EPB41L1: variants seen among roughly 807,000 people sequenced by gnomAD.
The protein encoded by EPB41L1 is band 4.1-like protein 1.
EPB41L1 carries 29 observed loss-of-function variants against 97.8 expected under a neutral mutation model. That is an observed-to-expected ratio of 0.30 (90% CI 0.22 to 0.40). The LOEUF is 0.40. EPB41L1 is among the 10% of genes least tolerant of loss of function. The pLI is 1.00. For missense variants in EPB41L1, 812 were observed against 1,162.3 expected, an observed-to-expected ratio of 0.70 and a Z score of 4.38; for synonymous variants, 383 against 459.2, an observed-to-expected ratio of 0.83 and a Z score of 2.12.
chr20:36,129,313 T>C (rs184274051), intron 2 of EPB41L1, among the ~76,000 whole-genome samples: 121 of 152,234 alleles, frequency 7.9e-4, no homozygotes, highest in African/African-American at 2.9e-3. Context: ...TGGGCTGGAC[T>C]GCGGGGTGAA....
At chr20:36,154,653 C>T, upstream of EPB41L1, 1 of 968,296 alleles carries the variant, frequency 1.0e-6, no homozygotes, top group Non-Finnish European at 1.2e-6. The surrounding 1 kb of genome is among the most constrained non-coding windows in gnomAD (Gnocchi z 5.5). Flanking sequence ...GGGGGCTGGC[C>T]GCGCGTCGGG....
chr20:36,180,771 T>C lies in EPB41L1; in HGVS notation c.491-1501T>C, dbSNP rs2061440346. ...ACCCAGTATGATTAGCTATTATTTA[T>C]TTTTATTATTATTATTGATTATTAC... On this transcript the variant is annotated intron_variant, in intron 5 of 21. Transcript: ENST00000338074. Among the ~76,000 whole-genome samples the C allele has an allele frequency of 4.6e-5, 7 of 152,190 alleles. No individual in the cohort carries two copies. The South Asian group carries it at 1.5e-3, about 32-fold the overall frequency.
At chr20:36,133,196 G>C (rs568956065) in intron 2 of EPB41L1, among the ~76,000 whole-genome samples, 2 of 152,370 alleles carry the variant, frequency 1.3e-5, no homozygotes, top group East Asian at 3.9e-4. Context: ...TTTCTGGCCT[G>C]GGACTGCCAT....
At position 36,175,537 on chromosome 20, in the gene EPB41L1, G is replaced by T; in HGVS notation, c.178-14G>T. The T allele has an allele frequency of 6.2e-7, 1 of 1,614,190 alleles. No homozygotes were observed. The highest frequency in any genetic ancestry group is 1.3e-5 in the African/African-American group (1 of 75,050). The stretch of plus-strand genomic sequence containing the variant: ...AACTCACTGAGCAAACTATTCCCTT[G>T]CTTGGTCCTGCAGAGCCTAGACATG... On this transcript the variant is annotated splice_polypyrimidine_tract_variant and intron_variant, in intron 2 of 21. Transcript: ENST00000338074.
intron 1 of EPB41L1, among the ~76,000 whole-genome samples, chr20:36,101,441 G>T (rs1401934708): frequency 6.6e-6 from 1 of 152,062 alleles, no homozygotes; most frequent in Non-Finnish European, 1.5e-5. Flanking sequence ...CCATTATGTT[G>T]GTCAGCCTGG....
chr20:36,178,954 G>C (rs573886815), intron 5 of EPB41L1, among the ~76,000 whole-genome samples: 1 of 151,862 alleles, frequency 6.6e-6, no homozygotes, highest in African/African-American at 2.4e-5. Context: ...CCAGCTACTC[G>C]GGAGGCTGAG....
Position 36,195,315 on chromosome 20 carries a change from C to G in EPB41L1, c.1450-14C>G, listed in dbSNP as rs760205768. ...ACCCTGCTGCTTTCTTTCCCTCCTA[C>G]CACATCCCACTAGCCGGAGCAGGAA... On this transcript the variant is annotated splice_polypyrimidine_tract_variant and intron_variant, in intron 12 of 21. Coordinates refer to ENST00000338074, the MANE Select transcript of EPB41L1 (RefSeq NM_012156.2). This position sits in a 1 kb window ranked among gnomAD's most constrained non-coding sequence, Gnocchi z 4.6. 6.2e-7 allele frequency: 1 copy of G among 1,614,056 alleles called. No homozygotes were observed. Among genetic ancestry groups the G allele is most frequent in the Admixed American group, 1.7e-5 (1 of 60,014 alleles).
intron 1 of EPB41L1, among the ~76,000 whole-genome samples, chr20:36,095,287 T>C (rs894444397): frequency 6.6e-6 from 1 of 152,018 alleles, no homozygotes; most frequent in African/African-American, 2.4e-5. Context: ...TTTGTATTTT[T>C]AGTAGAGACA....
In EPB41L1 at chr20:36,207,144, C is replaced by T. The variant is rs368491849; in HGVS notation, c.1669-2344C>T. 1.1e-4 allele frequency: 142 copies of T among 1,289,538 alleles called. No individual in the cohort carries two copies. In the East Asian group the frequency reaches 7.1e-3, roughly 64 times the overall value. The allele number at this position is 1,289,538 out of a possible 1,614,324, so 79.9% of individuals were successfully genotyped here. A position where few individuals can be genotyped will look rare whatever the true frequency, so the allele number is the denominator to read the frequency against. On this transcript the variant is annotated intron_variant, in intron 14 of 21. Coordinates refer to ENST00000338074, the MANE Select transcript of EPB41L1 (RefSeq NM_012156.2). This position sits in a 1 kb window ranked among gnomAD's most constrained non-coding sequence, Gnocchi z 4.9. Reference sequence around the variant, plus strand: ...CAGCTCTGGAGGAAGCTTCTCCAAGCCCAACCTCCCATGGGTCAGGGGAGC... The same window carrying T: ...CAGCTCTGGAGGAAGCTTCTCCAAGTCCAACCTCCCATGGGTCAGGGGAGC...
chr20:36,118,481 A>G (rs2058655524), intron 2 of EPB41L1, among the ~76,000 whole-genome samples: 2 of 152,208 alleles, frequency 1.3e-5, no homozygotes, highest in South Asian at 4.1e-4. Flanking sequence ...GGGCCAAACC[A>G]GAACCAGAGA....
In EPB41L1 at chr20:36,209,739, G is replaced by A. The variant is rs749043906; in HGVS notation, c.1920G>A (p.Leu640=). 3.1e-6 allele frequency: 5 copies of A among 1,614,052 alleles called. No individual in the cohort carries two copies. In the African/African-American group the frequency reaches 6.7e-5, roughly 22 times the overall value. ...GSAFEDFSRS[L]PELDRDKSDS... is the part of the protein sequence containing the mutation. ...CCTTCGAAGACTTCTCCCGCAGCCT[G>A]CCTGAGCTCGACCGGGACAAAAGCG... The change falls in exon 15 of 22, where the codon CTG becomes CTA. Residue 640 remains leucine, a synonymous_variant. Transcript: ENST00000338074. This position sits in a 1 kb window ranked among gnomAD's most constrained non-coding sequence, Gnocchi z 4.2.
At chr20:36,159,504 T>A (rs950244209) in intron 1 of EPB41L1, among the ~76,000 whole-genome samples, 15 of 152,186 alleles carry the variant, frequency 9.9e-5, no homozygotes, top group Non-Finnish European at 2.1e-4. Flanking sequence ...CGGGGCTAGA[T>A]CCTTTCTGTG....
intron 14 of EPB41L1, chr20:36,200,780 T>C (rs1202300392): frequency 2.1e-5 from 9 of 424,240 alleles, no homozygotes; most frequent in Non-Finnish European, 4.2e-5. Context: ...TGTCTCTCTC[T>C]CCTACTTTTT....
chr20:36,188,207 G>T, intron 8 of EPB41L1, 140 bp from the exon 9 acceptor site: 1 of 1,114,120 alleles, frequency 9.0e-7, no homozygotes, highest in East Asian at 2.4e-5. Context: ...TTGGTCAGTG[G>T]GACTCCAGCA....
Position 36,190,417 on chromosome 20 carries a change from C to T in EPB41L1, c.1124+43C>T, listed in dbSNP as rs1346499613. ...TGGGGTAATGGGGATGGGGCAGAGGCCATGTGTATGGAGGGGAGCAGGGGG... is the reference window on the plus strand; with the variant it reads ...TGGGGTAATGGGGATGGGGCAGAGGTCATGTGTATGGAGGGGAGCAGGGGG... On this transcript the variant is annotated intron_variant, in intron 10 of 21. Transcript: ENST00000338074. The surrounding 1 kb of genome is among the most constrained non-coding windows in gnomAD (Gnocchi z 5.8). 4.4e-6 allele frequency: 7 copies of T among 1,599,112 alleles called. No homozygotes were observed. The highest frequency in any genetic ancestry group is 6.0e-6 in the Non-Finnish European group (7 of 1,168,614).
chr20:36,156,789 C>T (rs568491071), intron 1 of EPB41L1, among the ~76,000 whole-genome samples: 38 of 152,248 alleles, frequency 2.5e-4, no homozygotes, highest in Admixed American at 5.2e-4. Context: ...TGAGAGGATG[C>T]CAGGTGCCCA....
chr20:36,190,787 C>A lies in EPB41L1; in HGVS notation c.1290C>A (p.Ser430Arg). The change falls in exon 11 of 22, where the codon AGC becomes AGA. Residue 430 changes from serine to arginine, a missense_variant. Ser to Arg is a moderately radical substitution (Grantham distance 110). Around this residue, in one of 3 missense-constraint regions of EPB41L1, gnomAD observed 498 missense variants for 622.7 expected, o/e 0.80. Transcript: ENST00000338074. The surrounding 1 kb of genome is among the most constrained non-coding windows in gnomAD (Gnocchi z 5.8). ...SSSKRYTMSR[S>R]LDGAEFSRPA... ...GCAAACGGTACACCATGTCCCGCAG[C>A]CTTGATGGAGGTATGGCCCAAATTG... is the stretch of plus-strand genomic sequence containing the variant. The A allele has an allele frequency of 6.2e-7, 1 of 1,613,884 alleles. No homozygotes were observed. The highest frequency in any genetic ancestry group is 8.5e-7 in the Non-Finnish European group (1 of 1,180,028).
At chr20:36,173,981 C>T (rs955260419) in intron 2 of EPB41L1, 27 bp downstream of exon 2, 7 of 1,597,894 alleles carry the variant, frequency 4.4e-6, no homozygotes, top group Non-Finnish European at 5.1e-6. Context: ...ATGGGCGTAC[C>T]TTTCCTGCCC....
chr20:36,212,450 C>A lies in EPB41L1; in HGVS notation c.2184+74C>A. The A allele has an allele frequency of 7.7e-7, 1 of 1,292,762 alleles. No individual in the cohort carries two copies. The highest frequency in any genetic ancestry group is 1.1e-6 in the Non-Finnish European group (1 of 894,642). The allele number at this position is 1,292,762 out of a possible 1,614,324, so 80.1% of individuals were successfully genotyped here. A position where few individuals can be genotyped will look rare whatever the true frequency, so the allele number is the denominator to read the frequency against. ...GTGGTAGGGTCCCCACTGCTGTGGC[C>A]AAACCCCTTGGCCAGCTCTTTTAAT... On this transcript the variant is annotated intron_variant, in intron 16 of 21. Coordinates refer to ENST00000338074, the MANE Select transcript of EPB41L1 (RefSeq NM_012156.2). This position sits in a 1 kb window ranked among gnomAD's most constrained non-coding sequence, Gnocchi z 4.8.
Sources: gnomAD v4.1 joint callset for allele counts (sites outside exome capture counted in the v4.1 genomes callset) on GRCh38, gnomAD v4.1.1 for gene constraint, gnomAD v4.1.1 regional missense constraint, Gnocchi (gnomAD v3.1) non-coding constraint, MANE v1.5 for transcripts, NCBI Gene and HGNC (gene_info 2026-07-23, HGNC 2026-07-21) for gene names.